The following PCDH1 variants were observed in gnomAD, a reference collection of about 807,000 sequenced individuals.
PCDH1 encodes the protein protocadherin 1, also known as protocadherin-1.
In PCDH1, 23 loss-of-function variants were observed where a neutral mutation model predicts 74.6. The ratio of observed to expected loss-of-function variants is 0.31; its 90% CI spans 0.22 to 0.44. The LOEUF is 0.44. PCDH1 is among the 20% of genes least tolerant of loss of function. The pLI is 1.00. For missense variants in PCDH1, 1,214 were observed against 1,641.4 expected, an observed-to-expected ratio of 0.74 and a Z score of 4.50; for synonymous variants, 647 against 686.1, an observed-to-expected ratio of 0.94 and a Z score of 0.89.
chr5:141,862,008 G>A (rs372456183), intron 3 of PCDH1, among the ~76,000 whole-genome samples: 1 of 151,838 alleles, frequency 6.6e-6, no homozygotes, highest in Admixed American at 6.6e-5. Context: ...TGCAGGGCAG[G>A]TCAATGCAAA....
rs1314406334 is a variant in PCDH1, at chr5:141,868,869, A to G, written c.603T>C (p.Gly201=). Reference sequence around the variant, plus strand: ...CAGCCTGCAGCTCATAGGATGCCACACCGTTGGGACCAGCATCACGGTCTG... The same window carrying G: ...CAGCCTGCAGCTCATAGGATGCCACGCCGTTGGGACCAGCATCACGGTCTG... ...LASDRDAGPN[G]VASYELQAGP... Residue 201 remains glycine (G), a synonymous_variant, in exon 2 of 5, where the codon GGT becomes GGC. Transcript: ENST00000287008. The surrounding 1 kb of genome is among the most constrained non-coding windows in gnomAD (Gnocchi z 4.8). 8.7e-6 allele frequency: 14 copies of G among 1,614,052 alleles called. No individual in the cohort carries two copies. In the East Asian group the frequency reaches 2.9e-4, roughly 33 times the overall value.
Position 141,865,658 on chromosome 5 carries a change from C to T in PCDH1, c.904-231G>A, listed in dbSNP as rs926819594. Among the ~76,000 whole-genome samples the T allele has an allele frequency of 5.3e-5, 8 of 152,330 alleles. No homozygotes were observed. The highest frequency in any genetic ancestry group is 1.9e-4 in the African/African-American group (8 of 41,570). On this transcript the variant is annotated intron_variant, in intron 2 of 4. Transcript: ENST00000287008. This position sits in a 1 kb window ranked among gnomAD's most constrained non-coding sequence, Gnocchi z 4.4. ...AAGAGCCCAGATGCAGCCTGCAAAT[C>T]CTCAACAGTGCTACAGGCAACTATT...
intron 2 of PCDH1, chr5:141,866,349 G>A (rs968686947): frequency 3.3e-5 from 17 of 507,812 alleles, no homozygotes; most frequent in African/African-American, 4.2e-5. Context: ...TGAACTGTCT[G>A]TCCCTCTGCA....
chr5:141,866,682 G>C (rs902806949), intron 2 of PCDH1, among the ~76,000 whole-genome samples: 2 of 152,192 alleles, frequency 1.3e-5, no homozygotes, highest in Non-Finnish European at 2.9e-5. Context: ...CTCAGTCTAT[G>C]AATGTGTGAA....
intron 1 of PCDH1, among the ~76,000 whole-genome samples, chr5:141,876,134 A>G (rs1753225166): frequency 6.6e-6 from 1 of 151,670 alleles, no homozygotes; most frequent in Non-Finnish European, 1.5e-5. Context: ...TGTGTTGCGG[A>G]GATTAGGGGG....
intron 1 of PCDH1, among the ~76,000 whole-genome samples, chr5:141,873,532 C>T (rs530552006): frequency 2.1e-4 from 32 of 151,788 alleles, no homozygotes; most frequent in African/African-American, 4.1e-4. Context: ...CTGCAAGCTC[C>T]GCCTGCCAGG....
At chr5:141,854,985 T>C (rs957302451) in intron 4 of PCDH1, among the ~76,000 whole-genome samples, 11 of 151,354 alleles carry the variant, frequency 7.3e-5, no homozygotes, top group African/African-American at 2.7e-4. Context: ...TCCTTTTTTT[T>C]TTCAAGACAG....
At position 141,869,645 on chromosome 5, in the gene PCDH1, G is replaced by T; in HGVS notation, c.41-214C>A. 6.5e-7 allele frequency: 1 copy of T among 1,533,234 alleles called. No homozygotes were observed. Among genetic ancestry groups the T allele is most frequent in the Non-Finnish European group, 8.7e-7 (1 of 1,145,828 alleles). 95.0% of individuals were successfully genotyped at this position (1,533,234 alleles called of 1,614,324 possible). A position where few individuals can be genotyped will look rare whatever the true frequency, so the allele number is the denominator to read the frequency against. On this transcript the variant is annotated intron_variant, in intron 1 of 4. Transcript: ENST00000287008. This position sits in a 1 kb window ranked among gnomAD's most constrained non-coding sequence, Gnocchi z 4.9. ...GCAGCAGTGTCTGCCCCAGCTGGAG[G>T]AGCCAGTAAGAGGCCTGGCATGCCT...
At chr5:141,866,366 G>C (rs529484380) in intron 2 of PCDH1, among the ~76,000 whole-genome samples, 2 of 152,204 alleles carry the variant, frequency 1.3e-5, no homozygotes, top group African/African-American at 4.8e-5. Flanking sequence ...TGCAGTCAGC[G>C]GGCACACCCT....
chr5:141,856,365 AGGGCCCGGGAGG>A, intron 4 of PCDH1: 1 of 54,388 alleles, frequency 1.8e-5, no homozygotes, highest in Non-Finnish European at 3.5e-5. Context: ...AGGTTAGACA[AGGGCCCGGGAGG>A]TTAGACAAGG....
intron 2 of PCDH1, among the ~76,000 whole-genome samples, chr5:141,866,359 A>G (rs979370671): frequency 2.0e-5 from 3 of 152,254 alleles, no homozygotes; most frequent in African/African-American, 7.2e-5. Flanking sequence ...GTCCCTCTGC[A>G]GTCAGCGGGC....
chr5:141,855,669 G>C (rs916017712), intron 4 of PCDH1, among the ~76,000 whole-genome samples: 6 of 152,088 alleles, frequency 3.9e-5, no homozygotes, highest in Admixed American at 3.9e-4. Flanking sequence ...GAAGGGACGA[G>C]CTTCTGTGTG....
chr5:141,858,564 T>G (rs1752448605), intron 3 of PCDH1, among the ~76,000 whole-genome samples: 1 of 152,172 alleles, frequency 6.6e-6, no homozygotes, highest in South Asian at 2.1e-4. Flanking sequence ...CCAGCAGCCC[T>G]GTATGCCTGC....
chr5:141,878,272 C>T lies in PCDH1; in HGVS notation c.-10G>A. 2 of 1,290,938 alleles carry T rather than the reference C, an allele frequency of 1.5e-6. No individual in the cohort carries two copies. The highest frequency in any genetic ancestry group is 2.0e-6 in the Non-Finnish European group (2 of 1,023,792). 80.0% of individuals were successfully genotyped at this position (1,290,938 alleles called of 1,614,324 possible). A position where few individuals can be genotyped will look rare whatever the true frequency, so the allele number is the denominator to read the frequency against. ...CCGCCCCGCTGTCCATGAGCCGCCG[C>T]CGGCCCCGGCCTGGGCTGCGGCTCC... On this transcript the variant is annotated 5_prime_UTR_variant, in exon 1 of 5. Transcript: ENST00000287008. The surrounding 1 kb of genome is among the most constrained non-coding windows in gnomAD (Gnocchi z 5.5).
Position 141,865,508 on chromosome 5 carries a change from A to G in PCDH1, c.904-81T>C. On this transcript the variant is annotated intron_variant, in intron 2 of 4. Transcript: ENST00000287008. The surrounding 1 kb of genome is among the most constrained non-coding windows in gnomAD (Gnocchi z 4.4). Reference sequence around the variant, plus strand: ...CAAATAAAGGGGCACACATGCTGCCAATGTCCTTTCCAACAAGCATGGCAG... The same window carrying G: ...CAAATAAAGGGGCACACATGCTGCCGATGTCCTTTCCAACAAGCATGGCAG... 1 of 1,460,540 alleles carries G rather than the reference A, an allele frequency of 6.8e-7. No homozygotes were observed. The highest frequency in any genetic ancestry group is 9.3e-7 in the Non-Finnish European group (1 of 1,077,600). 90.5% of individuals were successfully genotyped at this position (1,460,540 alleles called of 1,614,324 possible).
chr5:141,856,844 CCTT>C (rs1752367071), intron 4 of PCDH1, among the ~76,000 whole-genome samples: 1 of 152,208 alleles, frequency 6.6e-6, no homozygotes, highest in Non-Finnish European at 1.5e-5. Context: ...CCACCACCCA[CCTT>C]CTCAAGGTTT....
chr5:141,854,552 C>T, intron 4 of PCDH1, 116 bp from the exon 5 acceptor site: 1 of 1,078,130 alleles, frequency 9.3e-7, no homozygotes, highest in Non-Finnish European at 1.3e-6. Flanking sequence ...TGCGCCCCTT[C>T]CTGACCGCTG....
Position 141,854,248 on chromosome 5 carries a change from C to G in PCDH1, c.3508G>C (p.Gly1170Arg). The part of the protein sequence containing the change: ...DRGGQEPAGA[G>R]SPSPPEDRNT... The stretch of plus-strand genomic sequence containing the variant: ...CGGTCTTCCGGGGGGCTGGGGCTGC[C>G]GGCGCCCGCAGGCTCCTGCCCTCCT... Residue 1170 changes from glycine (G) to arginine (R), a missense_variant, in exon 5 of 5, where the codon GGC becomes CGC. Coordinates refer to ENST00000287008, the MANE Select transcript of PCDH1 (RefSeq NM_032420.5). 2 of 1,611,542 alleles carry G rather than the reference C, an allele frequency of 1.2e-6. No homozygotes were observed. Among genetic ancestry groups the G allele is most frequent in the Non-Finnish European group, 1.7e-6 (2 of 1,178,894 alleles).
chr5:141,857,741 T>TG (rs1277789617), intron 3 of PCDH1, among the ~76,000 whole-genome samples: 1 of 152,206 alleles, frequency 6.6e-6, no homozygotes, highest in East Asian at 1.9e-4. Flanking sequence ...ATAGCCCCTA[T>TG]GCTACCCCAA....
Sources: gnomAD v4.1 joint callset for allele counts (sites outside exome capture counted in the v4.1 genomes callset) on GRCh38, gnomAD v4.1.1 for gene constraint, Gnocchi (gnomAD v3.1) non-coding constraint, MANE v1.5 for transcripts, NCBI Gene and HGNC (gene_info 2026-07-23, HGNC 2026-07-21) for gene names.